Variants in PITRM1 observed in about 807,000 individuals in gnomAD.
PITRM1 encodes the protein pitrilysin metallopeptidase 1.
In PITRM1, 100 loss-of-function variants were observed where a neutral mutation model predicts 129.9. The ratio of observed to expected loss-of-function variants is 0.77; its 90% CI spans 0.65 to 0.91. PITRM1 has a LOEUF of 0.91. PITRM1 is among the 40% of genes least tolerant of loss of function. The probability of loss-of-function intolerance (pLI) is 0.00; values close to 1 mark genes in which losing one functional copy is unlikely to be tolerated. For synonymous variants in PITRM1, 591 were observed against 508.8 expected (o/e 1.16, Z -2.17); for missense variants, 1,471 against 1,318.3 (o/e 1.12, Z -1.79).
At position 3,149,647 on chromosome 10, in the gene PITRM1, C is replaced by G. The variant is rs898967815; in HGVS notation, c.1845G>C (p.Val615=). ...TGGTGAGGACGCTGCAGAAGAGGGG[C>G]ACATAGGGCCTCAGCTCCTCGGGGA... is the stretch of plus-strand genomic sequence containing the variant. ...NTLPEELRPY[V]PLFCSVLTKL... The change falls in exon 16 of 27, where the codon GTG becomes GTC. Residue 615 remains valine (V), a synonymous_variant. Transcript: ENST00000224949. 7 of 1,586,086 alleles carry G rather than the reference C, an allele frequency of 4.4e-6. No individual in the cohort carries two copies. Among genetic ancestry groups the G allele is most frequent in the Non-Finnish European group, 6.0e-6 (7 of 1,169,246 alleles).
intron 2 of PITRM1, among the ~76,000 whole-genome samples, chr10:3,167,297 G>A (rs367726618): frequency 2.5e-4 from 38 of 152,240 alleles, no homozygotes; most frequent in African/African-American, 8.2e-4. Context: ...GCGAGCGAGC[G>A]AGCGAGCGCG....
At chr10:3,157,197 C>A in intron 12 of PITRM1, 133 bp from the exon 13 acceptor site, 1 of 903,236 alleles carries the variant, frequency 1.1e-6, no homozygotes, top group Non-Finnish European at 1.6e-6. Flanking sequence ...TAACAAAAGT[C>A]ATGTAATTCT....
chr10:3,151,832 C>T (rs1030363291), intron 14 of PITRM1, among the ~76,000 whole-genome samples: 4 of 152,176 alleles, frequency 2.6e-5, no homozygotes, highest in African/African-American at 9.7e-5. Context: ...GCCTCCTGGG[C>T]TCAAGTGATC....
intron 23 of PITRM1, 161 bp downstream of exon 23, chr10:3,143,228 G>A: frequency 1.7e-6 from 1 of 604,632 alleles, no homozygotes; most frequent in Non-Finnish European, 3.0e-6. Context: ...AAAGACTGCT[G>A]GTTAAAGAGG....
rs765321599 is a variant in PITRM1, at chr10:3,149,800, C to A, written c.1739-47G>T. On this transcript the variant is annotated intron_variant, in intron 15 of 26. Coordinates refer to ENST00000224949, the MANE Select transcript of PITRM1 (RefSeq NM_014889.4). ...AATTTTTATTGCTGCCAGTAAAATT[C>A]TAACCACTTGTAATATTTAAAAACA... 3 of 1,595,600 alleles carry A rather than the reference C, an allele frequency of 1.9e-6. No homozygotes were observed. In the African/African-American group the frequency reaches 4.0e-5, roughly 21 times the overall value.
intron 13 of PITRM1, among the ~76,000 whole-genome samples, chr10:3,156,729 T>C (rs1372852441): frequency 6.6e-6 from 1 of 152,228 alleles, no homozygotes; most frequent in African/African-American, 2.4e-5. Flanking sequence ...AAAATGCACA[T>C]ATACATTTAT....
At chr10:3,159,151 T>C in intron 9 of PITRM1, 109 bp from the exon 10 acceptor site, 1 of 1,010,318 alleles carries the variant, frequency 9.9e-7, no homozygotes, top group Non-Finnish European at 1.4e-6. Context: ...TAGAAATTCT[T>C]GCATTTCAAC....
intron 14 of PITRM1, among the ~76,000 whole-genome samples, chr10:3,154,633 A>C (rs1416389371): frequency 6.6e-6 from 1 of 152,184 alleles, no homozygotes; most frequent in Admixed American, 6.5e-5. Flanking sequence ...GAACTCTTAG[A>C]TGATATCTGT....
At chr10:3,163,580 G>T (rs1842624603) in intron 7 of PITRM1, 145 bp downstream of exon 7, 2 of 689,794 alleles carry the variant, frequency 2.9e-6, no homozygotes, top group Non-Finnish European at 4.8e-6. Flanking sequence ...AGTAAGATAG[G>T]CAAACTTAGG....
At chr10:3,169,928 T>C (rs1331330277) in intron 2 of PITRM1, among the ~76,000 whole-genome samples, 176 bp downstream of exon 2, 2 of 152,214 alleles carry the variant, frequency 1.3e-5, no homozygotes, top group Admixed American at 1.3e-4. Context: ...CTGGGGCTCA[T>C]TTCACTCACA....
At chr10:3,144,088 C>T in intron 22 of PITRM1, 1 of 595,366 alleles carries the variant, frequency 1.7e-6, no homozygotes, top group East Asian at 2.8e-5. Flanking sequence ...GGAGGACACA[C>T]CCCCACCAGG....
At chr10:3,160,372 AAGATGTG>A (rs767034132) in intron 7 of PITRM1, 42 bp from the exon 8 acceptor site, 1 of 1,505,636 alleles carries the variant, frequency 6.6e-7, no homozygotes, top group East Asian at 2.3e-5. Flanking sequence ...TTTAGTTTAA[AAGATGTG>A]AGATCAAGTG....
At chr10:3,166,905 C>A in intron 3 of PITRM1, 31 bp downstream of exon 3, 1 of 1,286,426 alleles carries the variant, frequency 7.8e-7, no homozygotes, top group South Asian at 1.3e-5. Flanking sequence ...TAAAAACATT[C>A]AAGACCATGT....
rs753822408 is a variant in PITRM1, at chr10:3,163,793, GCA to G, written c.721_722del (p.Cys241HisfsTer10). On this transcript the variant is annotated frameshift_variant, in exon 7 of 27. Coordinates refer to ENST00000224949, the MANE Select transcript of PITRM1 (RefSeq NM_014889.4). LOFTEE classifies it high-confidence loss of function. ...YSVVSGGDPL[C>X]IPELTWEQLK... ...GCTGCTCCCATGTAAGCTCCGGGATGCACAGTGGGTCACCCCCGGAGACCACT... is the reference window on the plus strand; with the variant it reads ...GCTGCTCCCATGTAAGCTCCGGGATGCAGTGGGTCACCCCCGGAGACCACT... 9.3e-6 allele frequency: 15 copies of G among 1,613,068 alleles called. No individual in the cohort carries two copies. Among genetic ancestry groups the G allele is most frequent in the Non-Finnish European group, 1.3e-5 (15 of 1,179,398 alleles).
At chr10:3,148,390 C>T in intron 16 of PITRM1, 99 bp from the exon 17 acceptor site, 1 of 1,443,578 alleles carries the variant, frequency 6.9e-7, no homozygotes. Flanking sequence ...TCCATTAATT[C>T]AATAACTGCG....
chr10:3,142,858 C>G (rs1173830204), intron 23 of PITRM1: 1 of 157,742 alleles, frequency 6.3e-6, no homozygotes, highest in Non-Finnish European at 1.4e-5. Flanking sequence ...CCCCACTGCC[C>G]TGTCCCTCTG....
rs201227300 is a variant in PITRM1 at position 3,155,679 on chromosome 10, G to C, written c.1533C>G (p.His511Gln). Residue 511 changes from histidine (H) to glutamine (Q), a missense_variant, in exon 14 of 27, where the codon CAC becomes CAG. Physicochemically the swap from His to Gln is conservative, Grantham distance 24. Transcript: ENST00000224949. ...TGGCTTCCACCTGTGCCTGCTTCTC[G>C]TGATACTTGTCATCTGGCCTCATCG... ...TLSMRPDDKYHEKQAQVEATK... is the reference protein window; with the variant it reads ...TLSMRPDDKYQEKQAQVEATK... 1 of 1,613,818 alleles carries C rather than the reference G, an allele frequency of 6.2e-7. No homozygotes were observed. Among genetic ancestry groups the C allele is most frequent in the Non-Finnish European group, 8.5e-7 (1 of 1,179,866 alleles).
chr10:3,151,805 A>C (rs1286278334), intron 14 of PITRM1, among the ~76,000 whole-genome samples: 1 of 152,188 alleles, frequency 6.6e-6, no homozygotes, highest in Admixed American at 6.5e-5. Flanking sequence ...GCACCATCTC[A>C]GCTCACTGCA....
At position 3,138,321 on chromosome 10, in the gene PITRM1, C is replaced by G; in HGVS notation, c.2934G>C (p.Leu978Phe). Residue 978 changes from leucine to phenylalanine, a missense_variant, in exon 26 of 27, where the codon TTG becomes TTC. Physicochemically the swap from Leu to Phe is conservative, Grantham distance 22. Transcript: ENST00000224949. ...GCTTCATCTCATCCGAGAGGCCGTA[C>G]AAGAAGTGGTCCATTCCTAGAAGAC... ...APSDKGMDHF[L>F]YGLSDEMKQA... The G allele has an allele frequency of 6.2e-7, 1 of 1,613,216 alleles. No homozygotes were observed. The highest frequency in any genetic ancestry group is 8.5e-7 in the Non-Finnish European group (1 of 1,179,232).
Sources: gnomAD v4.1 joint callset for allele counts (sites outside exome capture counted in the v4.1 genomes callset) on GRCh38, gnomAD v4.1.1 for gene constraint, MANE v1.5 for transcripts, NCBI Gene and HGNC (gene_info 2026-07-23, HGNC 2026-07-21) for gene names.